KCNH1: variants seen among roughly 807,000 people sequenced by gnomAD.
KCNH1 encodes the protein voltage-gated delayed rectifier potassium channel KCNH1.
A neutral mutation model predicts 69.2 loss-of-function variants in KCNH1; 27 were observed. The ratio of observed to expected loss-of-function variants is 0.39; its 90% CI spans 0.29 to 0.54. The LOEUF (loss-of-function observed/expected upper bound fraction) is 0.54, where lower values mean the gene tolerates loss of function less well. Ranked by LOEUF, KCNH1 falls within the 20% of genes least tolerant of loss-of-function variation. The pLI is 0.68. For missense variants in KCNH1, 798 were observed against 1,261.6 expected, an observed-to-expected ratio of 0.63 and a Z score of 5.57; for synonymous variants, 456 against 487.7, an observed-to-expected ratio of 0.93 and a Z score of 0.86.
intron 1 of KCNH1, among the ~76,000 whole-genome samples, chr1:211,126,650 T>G (rs1156745321): frequency 2.9e-5 from 4 of 136,862 alleles, no homozygotes; most frequent in Non-Finnish European, 6.0e-5. Context: ...ACCACTCCAA[T>G]CCAGCCTGGG....
At chr1:211,119,189 T>C (rs1210788965) in intron 1 of KCNH1, among the ~76,000 whole-genome samples, 1 of 152,020 alleles carries the variant, frequency 6.6e-6, no homozygotes, top group African/African-American at 2.4e-5. Context: ...TGAAACTCCA[T>C]CTCTACTAAA....
chr1:211,124,370 C>T (rs1691741264), intron 1 of KCNH1, among the ~76,000 whole-genome samples: 2 of 152,110 alleles, frequency 1.3e-5, no homozygotes, highest in Non-Finnish European at 2.9e-5. Flanking sequence ...GTTAAGAAAC[C>T]ACTTTTGGCT....
chr1:210,820,071 G>A (rs1479282182), intron 7 of KCNH1, among the ~76,000 whole-genome samples: 2 of 152,214 alleles, frequency 1.3e-5, no homozygotes, highest in Non-Finnish European at 1.5e-5. Context: ...TTCATCCATG[G>A]AAGCCAGAAA....
At chr1:210,889,221 T>C (rs373291005) in intron 7 of KCNH1, among the ~76,000 whole-genome samples, 1 of 152,186 alleles carries the variant, frequency 6.6e-6, no homozygotes, top group Non-Finnish European at 1.5e-5. Flanking sequence ...CAAGTCAGCT[T>C]CATCCCTGGG....
chr1:210,884,253 A>C (rs1201439217), intron 7 of KCNH1, among the ~76,000 whole-genome samples: 1 of 152,202 alleles, frequency 6.6e-6, no homozygotes, highest in African/African-American at 2.4e-5. Flanking sequence ...CAATAGCATC[A>C]AGTCCAACAA....
chr1:211,083,105 T>G (rs1690887471), intron 4 of KCNH1, among the ~76,000 whole-genome samples: 1 of 152,270 alleles, frequency 6.6e-6, no homozygotes, highest in Admixed American at 6.5e-5. Flanking sequence ...CACTTTCACT[T>G]CATCCTAATC....
At chr1:210,886,921 T>C (rs1208252293) in intron 7 of KCNH1, among the ~76,000 whole-genome samples, 1 of 152,128 alleles carries the variant, frequency 6.6e-6, no homozygotes, top group Non-Finnish European at 1.5e-5. Context: ...CTATGTTTGA[T>C]TGATGTACCT....
chr1:210,855,886 A>C (rs1685824968), intron 7 of KCNH1, among the ~76,000 whole-genome samples: 1 of 152,138 alleles, frequency 6.6e-6, no homozygotes, highest in Non-Finnish European at 1.5e-5. Flanking sequence ...TCATTTGCAA[A>C]AAATAATTTC....
At chr1:210,860,520 T>C in intron 7 of KCNH1, 2 of 842,818 alleles carry the variant, frequency 2.4e-6, no homozygotes, top group East Asian at 2.4e-5. Context: ...CTTGGCTAAA[T>C]GTCATTGCCA....
rs756810216 is a variant in KCNH1 at position 211,018,959 on chromosome 1, G to A, written c.856C>T (p.Leu286Phe). Residue 286 changes from leucine (L) to phenylalanine (F), a missense_variant, in exon 6 of 11, where the codon CTT (leucine) becomes TTT (phenylalanine). Leu to Phe is a conservative substitution (Grantham distance 22, BLOSUM62 0). Around this residue, in one of 4 missense-constraint regions of KCNH1, gnomAD observed 266 missense variants for 457.2 expected, o/e 0.58. Coordinates refer to ENST00000271751, the MANE Select transcript of KCNH1 (RefSeq NM_172362.3). Reference sequence around the variant, plus strand: ...GTCTTCAGGTAGTTCATGCGGATAAGTTTGGGGTCAGAAATCACCTCCCCT... The same window carrying A: ...GTCTTCAGGTAGTTCATGCGGATAAATTTGGGGTCAGAAATCACCTCCCCT... ...PAGEVISDPKLIRMNYLKTWF... is the reference protein window; with the variant it reads ...PAGEVISDPKFIRMNYLKTWF... The A allele has an allele frequency of 6.2e-7, 1 of 1,614,086 alleles. No homozygotes were observed. Among genetic ancestry groups the A allele is most frequent in the Non-Finnish European group, 8.5e-7 (1 of 1,179,992 alleles).
intron 10 of KCNH1, among the ~76,000 whole-genome samples, chr1:210,696,625 A>G (rs1305698904): frequency 6.6e-6 from 1 of 152,156 alleles, no homozygotes; most frequent in Non-Finnish European, 1.5e-5. Flanking sequence ...CCCACCTGGT[A>G]ACTCAGTCCT....
chr1:210,988,830 T>C (rs1286573792), intron 6 of KCNH1, among the ~76,000 whole-genome samples: 1 of 152,238 alleles, frequency 6.6e-6, no homozygotes, highest in Non-Finnish European at 1.5e-5. Context: ...ATGGAAGTTA[T>C]GTTTTATGAT....
chr1:210,965,938 C>A (rs1558544820), intron 6 of KCNH1, among the ~76,000 whole-genome samples: 1 of 152,096 alleles, frequency 6.6e-6, no homozygotes, highest in African/African-American at 2.4e-5. Flanking sequence ...TAATCCTAAG[C>A]CAAAAGAACA....
chr1:211,013,891 G>A (rs971462358), intron 6 of KCNH1, among the ~76,000 whole-genome samples: 2 of 152,234 alleles, frequency 1.3e-5, no homozygotes, highest in South Asian at 2.1e-4. Flanking sequence ...GGTGATCTGT[G>A]TGAGTGTTTT....
intron 10 of KCNH1, among the ~76,000 whole-genome samples, chr1:210,691,831 A>G (rs1681533848): frequency 6.6e-6 from 1 of 152,202 alleles, no homozygotes; most frequent in African/African-American, 2.4e-5. Context: ...TGATTGATTA[A>G]GGTAAAAAAG....
chr1:210,760,349 A>T (rs1261010351), intron 10 of KCNH1, among the ~76,000 whole-genome samples: 3 of 152,240 alleles, frequency 2.0e-5, no homozygotes, highest in African/African-American at 7.2e-5. Context: ...CAGACTTCTC[A>T]GCAGAAACCT....
chr1:210,923,791 G>C (rs1333611272), intron 6 of KCNH1, among the ~76,000 whole-genome samples: 1 of 152,190 alleles, frequency 6.6e-6, no homozygotes, highest in East Asian at 1.9e-4. Context: ...GAGGCCACTT[G>C]TTATTCATTT....
intron 6 of KCNH1, among the ~76,000 whole-genome samples, chr1:211,017,331 G>A (rs945030682): frequency 6.6e-6 from 1 of 152,176 alleles, no homozygotes; most frequent in African/African-American, 2.4e-5. Context: ...GCCAGGTCTT[G>A]ATATCCCGGC....
intron 7 of KCNH1, among the ~76,000 whole-genome samples, chr1:210,892,193 C>A (rs1453392719): frequency 2.0e-5 from 3 of 151,892 alleles, no homozygotes; most frequent in African/African-American, 7.3e-5. Context: ...GCACATGTAT[C>A]CCAGAACTTA....
Sources: allele counts gnomAD v4.1 joint callset (sites outside exome capture counted in the v4.1 genomes callset), GRCh38; gene constraint gnomAD v4.1.1; regional missense constraint gnomAD v4.1.1; transcripts MANE v1.5; gene names NCBI Gene and HGNC (gene_info 2026-07-23, HGNC 2026-07-21).